The following PDXDC1 variants were observed in gnomAD, a reference collection of about 807,000 sequenced individuals.
The protein encoded by PDXDC1 is pyridoxal-dependent decarboxylase domain-containing protein 1.
PDXDC1 carries 42 observed loss-of-function variants against 100.1 expected under a neutral mutation model. The observed-to-expected ratio is 0.42, with a 90% CI of 0.33 to 0.54. The LOEUF (loss-of-function observed/expected upper bound fraction) is 0.54. Ranked by LOEUF, PDXDC1 falls within the 20% of genes least tolerant of loss-of-function variation. PDXDC1 has a pLI of 0.10. For synonymous variants in PDXDC1, 260 were observed against 371.7 expected (o/e 0.70, Z 3.46); for missense variants, 636 against 979.2 (o/e 0.65, Z 4.68).
chr16:15,014,553 T>A (rs1382107339), intron 8 of PDXDC1, among the ~76,000 whole-genome samples: 1 of 152,278 alleles, frequency 6.6e-6, no homozygotes, highest in African/African-American at 2.4e-5. Context: ...TTGTTTCAGC[T>A]AAACTAAATG....
intron 1 of PDXDC1, among the ~76,000 whole-genome samples, chr16:14,977,405 G>T (rs1244529538): frequency 6.6e-6 from 1 of 150,814 alleles, no homozygotes; most frequent in African/African-American, 2.4e-5. Context: ...TCAGCCTCCC[G>T]AGCAGCTGTG....
chr16:15,082,463 A>G (rs2045747901), intron 16 of PDXDC1, among the ~76,000 whole-genome samples: 2 of 152,240 alleles, frequency 1.3e-5, no homozygotes, highest in East Asian at 1.9e-4. Flanking sequence ...GCTTGAGGTC[A>G]GGAGTTCAAG....
intron 13 of PDXDC1, among the ~76,000 whole-genome samples, chr16:15,024,268 C>T (rs902915695): frequency 6.6e-6 from 1 of 152,266 alleles, no homozygotes; most frequent in Non-Finnish European, 1.5e-5. Context: ...CACCACCATT[C>T]CAGCTGCTGC....
intron 13 of PDXDC1, among the ~76,000 whole-genome samples, chr16:15,023,072 C>T (rs1158369086): frequency 6.6e-6 from 1 of 152,268 alleles, no homozygotes; most frequent in Admixed American, 6.5e-5. Context: ...CTGCCCAAGG[C>T]CTTGGGCACA....
At chr16:15,055,143 G>C (rs993004245) in intron 16 of PDXDC1, among the ~76,000 whole-genome samples, 1 of 152,082 alleles carries the variant, frequency 6.6e-6, no homozygotes, top group African/African-American at 2.4e-5. Context: ...CCTTTAACAG[G>C]ATCTATGGCA....
chr16:14,981,200 CCTTTA>C (rs1401106495), intron 1 of PDXDC1, among the ~76,000 whole-genome samples: 4 of 152,404 alleles, frequency 2.6e-5, no homozygotes, highest in African/African-American at 7.2e-5. Flanking sequence ...ATAATGCAAA[CCTTTA>C]CTTTACGAGT....
intron 16 of PDXDC1, chr16:15,065,404 A>C: frequency 3.1e-6 from 5 of 1,600,128 alleles, no homozygotes; most frequent in Non-Finnish European, 4.3e-6. Flanking sequence ...AGACAGAGGC[A>C]TTAACATGCT....
intron 16 of PDXDC1, among the ~76,000 whole-genome samples, chr16:15,090,247 A>T (rs1474479642): frequency 6.6e-6 from 1 of 152,140 alleles, no homozygotes; most frequent in Non-Finnish European, 1.5e-5. Context: ...TGTAAAAAAA[A>T]AACATGGGTA....
intron 16 of PDXDC1, among the ~76,000 whole-genome samples, chr16:15,068,554 T>C (rs549801559): frequency 1.3e-5 from 2 of 152,188 alleles, no homozygotes; most frequent in Non-Finnish European, 2.9e-5. Context: ...GAAATTCATA[T>C]GTTTGCAAGC....
chr16:15,053,020 G>A (rs993033109), intron 16 of PDXDC1, among the ~76,000 whole-genome samples: 3 of 152,144 alleles, frequency 2.0e-5, no homozygotes, highest in African/African-American at 7.2e-5. Context: ...GATGGCCACC[G>A]TCTATATTCA....
chr16:15,140,447 C>CAAAAAAAAA (rs888007915), downstream of PDXDC1, among the ~76,000 whole-genome samples: 2 of 39,060 alleles, frequency 5.1e-5, no homozygotes, highest in African/African-American at 9.6e-5. Flanking sequence ...AGCTCCATCT[C>CAAAAAAAAA]AAAAAAAAAA....
intron 16 of PDXDC1, among the ~76,000 whole-genome samples, chr16:15,079,753 T>C (rs1206630113): frequency 2.0e-5 from 3 of 152,182 alleles, no homozygotes; most frequent in Non-Finnish European, 4.4e-5. Context: ...CCATCATGCC[T>C]GGCTAATTTT....
chr16:15,091,180 G>A lies in PDXDC1; in HGVS notation c.1400-47699G>A, dbSNP rs972566860. ...CTAGGGGGTAAAACTGTCCCTGGTT[G>A]AGAACCACCAGATTAAAATAAGGGA... is the stretch of plus-strand genomic sequence containing the variant. On this transcript the variant is annotated intron_variant, in intron 16 of 16. Transcript: ENST00000535621. 9 of 951,136 alleles carry A rather than the reference G, an allele frequency of 9.5e-6. No individual in the cohort carries two copies. The Admixed American group carries it at 2.1e-4, about 22-fold the overall frequency. 58.9% of individuals were successfully genotyped at this position (951,136 alleles called of 1,614,324 possible). A position where few individuals can be genotyped will look rare whatever the true frequency, so the allele number is the denominator to read the frequency against.
At chr16:15,136,031 G>A in intron 16 of PDXDC1, 1 of 1,546,532 alleles carries the variant, frequency 6.5e-7, no homozygotes, top group Non-Finnish European at 8.7e-7. Context: ...TCCCCGGGCA[G>A]CCAGTTCTGG....
chr16:15,088,418 G>C (rs1442199190), intron 16 of PDXDC1, among the ~76,000 whole-genome samples: 5 of 152,066 alleles, frequency 3.3e-5, no homozygotes, highest in African/African-American at 1.2e-4. Flanking sequence ...AGTGAGCCAT[G>C]ATCGGGCCCA....
chr16:15,131,071 C>T, intron 16 of PDXDC1: 2 of 1,602,380 alleles, frequency 1.2e-6, no homozygotes, highest in Non-Finnish European at 1.7e-6. Flanking sequence ...GCGTGTGCCT[C>T]ACCCGCTGCA....
At chr16:15,061,705 G>T in intron 16 of PDXDC1, 2 of 1,584,006 alleles carry the variant, frequency 1.3e-6, no homozygotes, top group Non-Finnish European at 1.7e-6. Context: ...AAGTGATGGG[G>T]AATCCCAAAT....
chr16:15,101,094 T>A (rs1048267273), intron 16 of PDXDC1, among the ~76,000 whole-genome samples: 2 of 152,232 alleles, frequency 1.3e-5, no homozygotes, highest in Admixed American at 6.5e-5. Context: ...AAAATGGGAA[T>A]AACTTTTTGA....
intron 1 of PDXDC1, chr16:14,988,206 C>G (rs1297298065): frequency 6.2e-7 from 1 of 1,612,184 alleles, no homozygotes; most frequent in Non-Finnish European, 8.5e-7. Context: ...GTGGGACTTT[C>G]AGTGCTGGGT....
Sources: allele counts gnomAD v4.1 joint callset (sites outside exome capture counted in the v4.1 genomes callset), GRCh38; gene constraint gnomAD v4.1.1; transcripts MANE v1.5; gene names NCBI Gene and HGNC (gene_info 2026-07-23, HGNC 2026-07-21).